TAS2R20: variants seen among roughly 807,000 people sequenced by gnomAD.
TAS2R20 encodes taste 2 receptor member 20, also known as taste receptor type 2 member 20.
For synonymous variants in TAS2R20, 136 were observed against 127.1 expected (o/e 1.07, Z -0.47); for missense variants, 364 against 352.2 (o/e 1.03, Z -0.27).
chr12:10,997,378 G>C lies in TAS2R20; in HGVS notation c.498C>G (p.Ile166Met). ...EECEGNVTWKIKLRNAMHLSN... is the reference protein window; with the variant it reads ...EECEGNVTWKMKLRNAMHLSN... ...AAAGGTGCATTGCATTCCTCAGTTT[G>C]ATCTTCCAAGTTACGTTTCCTTCAC... The change falls in exon 1 of 1, where the codon ATC becomes ATG. Residue 166 changes from isoleucine (I) to methionine (M), a missense_variant. By Grantham distance (10) the Ile-to-Met change is conservative. Coordinates refer to ENST00000538986, the MANE Select transcript of TAS2R20 (RefSeq NM_176889.4). 1.2e-6 allele frequency: 2 copies of C among 1,614,084 alleles called. No homozygotes were observed. Among genetic ancestry groups the C allele is most frequent in the Non-Finnish European group, 1.7e-6 (2 of 1,179,996 alleles).
In TAS2R20 at chr12:10,998,026, G is replaced by A. The variant is rs920980672; in HGVS notation, c.-151C>T. ...TTAAATTCTGTGAACAATGTCAACAGAAAAGCACCAGCTTAAACTAATGAA... is the reference window on the plus strand; with the variant it reads ...TTAAATTCTGTGAACAATGTCAACAAAAAAGCACCAGCTTAAACTAATGAA... On this transcript the variant is annotated 5_prime_UTR_variant, in exon 1 of 1. Transcript: ENST00000538986. The A allele has an allele frequency of 5.2e-6, 3 of 576,002 alleles. No homozygotes were observed. In the African/African-American group the frequency reaches 5.6e-5, roughly 11 times the overall value. 35.7% of individuals were successfully genotyped at this position (576,002 alleles called of 1,614,324 possible).
chr12:10,997,883 C>A lies in TAS2R20; in HGVS notation c.-8G>T. ...GTGTAGAAAACTCATCATGTCTAAA[C>A]AAAAAAGCAAGTAAAAAATTCAGGC... On this transcript the variant is annotated 5_prime_UTR_variant, in exon 1 of 1. Coordinates refer to ENST00000538986, the MANE Select transcript of TAS2R20 (RefSeq NM_176889.4). 6.4e-7 allele frequency: 1 copy of A among 1,555,724 alleles called. No homozygotes were observed. Among genetic ancestry groups the A allele is most frequent in the Non-Finnish European group, 8.7e-7 (1 of 1,153,052 alleles).
Position 10,996,211 on chromosome 12 carries a change from C to T in TAS2R20, c.*735G>A, listed in dbSNP as rs1940224274. Among the ~76,000 whole-genome samples the T allele has an allele frequency of 1.3e-5, 2 of 151,878 alleles. No individual in the cohort carries two copies. The highest frequency in any genetic ancestry group is 6.6e-5 in the Admixed American group (1 of 15,226). On this transcript the variant is annotated 3_prime_UTR_variant, in exon 1 of 1. Coordinates refer to ENST00000538986, the MANE Select transcript of TAS2R20 (RefSeq NM_176889.4). ...ACGTGTGGTAGCGCATGCCTGGAGT[C>T]CCAGCCACTCAGGAGGCTGACGCAT...
Position 10,997,890 on chromosome 12 carries a change from G to A in TAS2R20, c.-15C>T. On this transcript the variant is annotated 5_prime_UTR_variant, in exon 1 of 1. Coordinates refer to ENST00000538986, the MANE Select transcript of TAS2R20 (RefSeq NM_176889.4). The stretch of plus-strand genomic sequence containing the variant: ...AAACTCATCATGTCTAAACAAAAAA[G>A]CAAGTAAAAAATTCAGGCCTAATGT... 6.5e-7 allele frequency: 1 copy of A among 1,547,488 alleles called. No individual in the cohort carries two copies. Among genetic ancestry groups the A allele is most frequent in the Non-Finnish European group, 8.7e-7 (1 of 1,147,898 alleles).
rs374131013 is a variant in TAS2R20, at chr12:10,997,737, T to C, written c.139A>G (p.Ile47Val). The C allele has an allele frequency of 3.2e-5, 52 of 1,613,864 alleles. No individual in the cohort carries two copies. Among genetic ancestry groups the C allele is most frequent in the Non-Finnish European group, 4.4e-5 (52 of 1,179,948 alleles). The change falls in exon 1 of 1, where the codon ATT becomes GTT. Residue 47 changes from isoleucine (I) to valine (V), a missense_variant. By Grantham distance (29) the Ile-to-Val change is conservative. Transcript: ENST00000538986. ...CTGGAGACTGCCAGAGCAGCAATAA[T>C]TTGATCAGCTGAGGAGATCTTTTGT... The part of the protein sequence containing the change: ...KRQKISSADQ[I>V]IAALAVSRVG...
chr12:10,997,296 A>G lies in TAS2R20; in HGVS notation c.580T>C (p.Ser194Pro), dbSNP rs776261559. 6.2e-6 allele frequency: 10 copies of G among 1,614,022 alleles called. No homozygotes were observed. In the Admixed American group the frequency reaches 1.7e-4, roughly 27 times the overall value. Reference sequence around the variant, plus strand: ...AGAGAGTAGATTAACAGCAGAAAAGATATCAGGGTCAGAGTGAATGGTATC... The same window carrying G: ...AGAGAGTAGATTAACAGCAGAAAAGGTATCAGGGTCAGAGTGAATGGTATC... The part of the protein sequence containing the change: ...NLIPFTLTLI[S>P]FLLLIYSLCK... Residue 194 changes from serine to proline, a missense_variant, in exon 1 of 1, where the codon TCT (serine) becomes CCT (proline). By Grantham distance (74) the Ser-to-Pro change is moderately conservative (BLOSUM62 -1). Coordinates refer to ENST00000538986, the MANE Select transcript of TAS2R20 (RefSeq NM_176889.4).
chr12:10,996,919 A>C lies in TAS2R20; in HGVS notation c.*27T>G. ...ACACCATCAATTTGTTTTCTGCTAG[A>C]AAACACACAATGCACCTCTTGTGAA... On this transcript the variant is annotated 3_prime_UTR_variant, in exon 1 of 1. Coordinates refer to ENST00000538986, the MANE Select transcript of TAS2R20 (RefSeq NM_176889.4). The C allele has an allele frequency of 6.5e-7, 1 of 1,548,042 alleles. No homozygotes were observed. Among genetic ancestry groups the C allele is most frequent in the Non-Finnish European group, 8.7e-7 (1 of 1,146,880 alleles).
Position 10,996,659 on chromosome 12 carries a change from T to A in TAS2R20, c.*287A>T, listed in dbSNP as rs545434486. 40 of 230,648 alleles carry A rather than the reference T, an allele frequency of 1.7e-4. No individual in the cohort carries two copies. Among genetic ancestry groups the A allele is most frequent in the Non-Finnish European group, 1.7e-4 (21 of 122,646 alleles). The allele number at this position is 230,648 out of a possible 1,614,324, so 14.3% of individuals were successfully genotyped here. ...CATGGGTTCATAATTCTGAGAAATTTCTTATCCTACTTTGGTATAACTGAA... is the reference window on the plus strand; with the variant it reads ...CATGGGTTCATAATTCTGAGAAATTACTTATCCTACTTTGGTATAACTGAA... On this transcript the variant is annotated 3_prime_UTR_variant, in exon 1 of 1. Transcript: ENST00000538986.
Position 10,996,694 on chromosome 12 carries a change from T to C in TAS2R20, c.*252A>G. The C allele has an allele frequency of 3.5e-6, 1 of 288,530 alleles. No individual in the cohort carries two copies. The allele number at this position is 288,530 out of a possible 1,614,324, so 17.9% of individuals were successfully genotyped here. On this transcript the variant is annotated 3_prime_UTR_variant, in exon 1 of 1. Coordinates refer to ENST00000538986, the MANE Select transcript of TAS2R20 (RefSeq NM_176889.4). ...CTTTGGTATAACTGAACAGTTTATATGAAAAGTTGATTAAAGGTATGTTAT... is the reference window on the plus strand; with the variant it reads ...CTTTGGTATAACTGAACAGTTTATACGAAAAGTTGATTAAAGGTATGTTAT...
In TAS2R20 at chr12:10,996,853, T is replaced by A. The variant is rs541309782; in HGVS notation, c.*93A>T. The A allele has an allele frequency of 2.3e-6, 3 of 1,298,704 alleles. No individual in the cohort carries two copies. The African/African-American group carries it at 4.4e-5, about 19-fold the overall frequency. 80.4% of individuals were successfully genotyped at this position (1,298,704 alleles called of 1,614,324 possible). On this transcript the variant is annotated 3_prime_UTR_variant, in exon 1 of 1. Coordinates refer to ENST00000538986, the MANE Select transcript of TAS2R20 (RefSeq NM_176889.4). ...AACTTTTGGAAATTACTCAAATACA[T>A]AGACTACGGAAAAACTTGTGGGAAA...
Position 10,997,469 on chromosome 12 carries a change from G to A in TAS2R20, c.407C>T (p.Ser136Phe), listed in dbSNP as rs899771607. Residue 136 changes from serine to phenylalanine, a missense_variant, in exon 1 of 1, where the codon TCT becomes TTT. Ser to Phe is a radical substitution (Grantham distance 155, BLOSUM62 -2). Transcript: ENST00000538986. ...KSVVLVIVLG[S>F]LFFLVCHLVM... ...AAGGTGACAAACCAAAAAGAACAAAGACCCCAACACTATCACCAGAACTAC... is the reference window on the plus strand; with the variant it reads ...AAGGTGACAAACCAAAAAGAACAAAAACCCCAACACTATCACCAGAACTAC... The A allele has an allele frequency of 3.1e-6, 5 of 1,613,582 alleles. No homozygotes were observed. The African/African-American group carries it at 6.7e-5, about 22-fold the overall frequency.
Position 10,997,062 on chromosome 12 carries a change from G to A in TAS2R20, c.814C>T (p.Pro272Ser), listed in dbSNP as rs1354099404. The change falls in exon 1 of 1, where the codon CCA becomes TCA. Residue 272 changes from proline (P) to serine (S), a missense_variant. Coordinates refer to ENST00000538986, the MANE Select transcript of TAS2R20 (RefSeq NM_176889.4). The part of the protein sequence containing the change: ...MLCQAFGIIY[P>S]SFHSFILIWG... ...ATCAGAATGAATGAGTGGAATGATG[G>A]ATATATGATTCCAAAAGCTTGGCAA... is the stretch of plus-strand genomic sequence containing the variant. 1.2e-6 allele frequency: 2 copies of A among 1,613,880 alleles called. No homozygotes were observed. Among genetic ancestry groups the A allele is most frequent in the African/African-American group, 2.7e-5 (2 of 74,908 alleles).
Position 10,997,284 on chromosome 12 carries a change from A to G in TAS2R20, c.592T>C (p.Leu198=), listed in dbSNP as rs143389700. ...AGATGTTTACACAGAGAGTAGATTA[A>G]CAGCAGAAAAGATATCAGGGTCAGA... ...FTLTLISFLL[L]IYSLCKHLKK... is the part of the protein sequence containing the mutation. The change falls in exon 1 of 1, where the codon TTA becomes CTA. Residue 198 remains leucine, a synonymous_variant. Transcript: ENST00000538986. 1.1e-3 allele frequency: 1,720 copies of G among 1,614,136 alleles called. 13 individuals carry two copies. In the African/African-American group the frequency reaches 0.02, roughly 19 times the overall value.
At position 10,997,684 on chromosome 12, in the gene TAS2R20, T is replaced by C. The variant is rs758232741; in HGVS notation, c.192A>G (p.Leu64=). 1 of 1,613,774 alleles carries C rather than the reference T, an allele frequency of 6.2e-7. No individual in the cohort carries two copies. The highest frequency in any genetic ancestry group is 1.1e-5 in the South Asian group (1 of 90,990). ...SRVGLLWVIL[L]HWYSTVLNPT... ...GATTCAACACAGTTGAATACCAATG[T>C]AATAATATTACCCAGAGCAAACCAA... The change falls in exon 1 of 1, where the codon TTA becomes TTG. Residue 64 remains leucine (L), a synonymous_variant. Coordinates refer to ENST00000538986, the MANE Select transcript of TAS2R20 (RefSeq NM_176889.4).
Position 10,997,604 on chromosome 12 carries a change from G to T in TAS2R20, c.272C>A (p.Thr91Asn). 1 of 1,614,020 alleles carries T rather than the reference G, an allele frequency of 6.2e-7. No homozygotes were observed. The highest frequency in any genetic ancestry group is 2.2e-5 in the East Asian group (1 of 44,856). The change falls in exon 1 of 1, where the codon ACC becomes AAC. Residue 91 changes from threonine (T) to asparagine (N), a missense_variant. Thr to Asn is a moderately conservative substitution (Grantham distance 65). Coordinates refer to ENST00000538986, the MANE Select transcript of TAS2R20 (RefSeq NM_176889.4). The part of the protein sequence containing the change: ...IIFISNAWAV[T>N]NHFSIWLATS... The stretch of plus-strand genomic sequence containing the variant: ...AGCAAGCCAGATGCTGAAATGATTG[G>T]TTACTGCCCAGGCATTAGAAATAAA...
chr12:10,997,135 T>TA, the TAS2R20 span: 1 of 1,614,008 alleles, frequency 6.2e-7, no homozygotes, highest in South Asian at 1.1e-5. Context: ...TCCAAAACGA[T>TA]ATGATTAGAC....
Position 10,997,473 on chromosome 12 carries a change from C to T in TAS2R20, c.403G>A (p.Gly135Arg), listed in dbSNP as rs1411177252. ...TGACAAACCAAAAAGAACAAAGACC[C>T]CAACACTATCACCAGAACTACACTC... The part of the protein sequence containing the change: ...AKSVVLVIVL[G>R]SLFFLVCHLV... The change falls in exon 1 of 1, where the codon GGG becomes AGG. Residue 135 changes from glycine to arginine, a missense_variant. Coordinates refer to ENST00000538986, the MANE Select transcript of TAS2R20 (RefSeq NM_176889.4). 2 of 1,613,644 alleles carry T rather than the reference C, an allele frequency of 1.2e-6. No homozygotes were observed. The highest frequency in any genetic ancestry group is 1.7e-6 in the Non-Finnish European group (2 of 1,179,932).
rs755857929 is a variant in TAS2R20 at position 10,997,027 on chromosome 12, G to C, written c.849C>G (p.Asn283Lys). ...AAAGAAAGGTCTGCTTTAGCGTCTTGTTCCCCCAAATCAGAATGAATGAGT... is the reference window on the plus strand; with the variant it reads ...AAAGAAAGGTCTGCTTTAGCGTCTTCTTCCCCCAAATCAGAATGAATGAGT... ...SFHSFILIWGNKTLKQTFLSV... is the reference protein window; with the variant it reads ...SFHSFILIWGKKTLKQTFLSV... The change falls in exon 1 of 1, where the codon AAC becomes AAG. Residue 283 changes from asparagine (N) to lysine (K), a missense_variant. Physicochemically the swap from Asn to Lys is moderately conservative, Grantham distance 94 (BLOSUM62 0). Coordinates refer to ENST00000538986, the MANE Select transcript of TAS2R20 (RefSeq NM_176889.4). 3.7e-6 allele frequency: 6 copies of C among 1,614,040 alleles called. No homozygotes were observed. The highest frequency in any genetic ancestry group is 4.2e-6 in the Non-Finnish European group (5 of 1,179,948).
chr12:10,996,714 T>C lies in TAS2R20; in HGVS notation c.*232A>G, dbSNP rs759849577. On this transcript the variant is annotated 3_prime_UTR_variant, in exon 1 of 1. Transcript: ENST00000538986. Reference sequence around the variant, plus strand: ...TTATATGAAAAGTTGATTAAAGGTATGTTATGGTAAATATTAAATTTTCAT... The same window carrying C: ...TTATATGAAAAGTTGATTAAAGGTACGTTATGGTAAATATTAAATTTTCAT... 2.4e-4 allele frequency: 77 copies of C among 327,650 alleles called. No individual in the cohort carries two copies. Among genetic ancestry groups the C allele is most frequent in the Non-Finnish European group, 3.8e-4 (70 of 186,230 alleles). 20.3% of individuals were successfully genotyped at this position (327,650 alleles called of 1,614,324 possible).
Sources: allele counts gnomAD v4.1 joint callset (sites outside exome capture counted in the v4.1 genomes callset), GRCh38; gene constraint gnomAD v4.1.1; transcripts MANE v1.5; gene names NCBI Gene and HGNC (gene_info 2026-07-23, HGNC 2026-07-21).